ACTN2: variants seen among roughly 807,000 people sequenced by gnomAD.
ACTN2 encodes the protein alpha-actinin-2.
Under a neutral mutation model 113.8 loss-of-function variants are expected in ACTN2, and 39 were observed. That is an observed-to-expected ratio of 0.34 (90% CI 0.27 to 0.45). The LOEUF is 0.45. Ranked by LOEUF, ACTN2 falls within the 20% of genes least tolerant of loss-of-function variation. ACTN2 has a pLI of 1.00. For synonymous variants in ACTN2, 429 were observed against 444.1 expected (o/e 0.97, Z 0.43); for missense variants, 992 against 1,177.9 (o/e 0.84, Z 2.31).
Position 236,754,564 on chromosome 1 carries a change from T to C in ACTN2, c.1975-455T>C, listed in dbSNP as rs757749712. 6.6e-6 allele frequency among the ~76,000 whole-genome samples: 1 copy of C among 152,108 alleles called. No homozygotes were observed. The highest frequency in any genetic ancestry group is 1.5e-5 in the Non-Finnish European group (1 of 68,018). Reference sequence around the variant, plus strand: ...ATTTCTTGTCCCACCACCCTTTTGGTGTTGAAATATTGACTTTTTTCTTAA... The same window carrying C: ...ATTTCTTGTCCCACCACCCTTTTGGCGTTGAAATATTGACTTTTTTCTTAA... On this transcript the variant is annotated intron_variant, in intron 16 of 20. Transcript: ENST00000366578. The surrounding 1 kb of genome is among the most constrained non-coding windows in gnomAD (Gnocchi z 4.9).
intron 1 of ACTN2, 128 bp downstream of exon 1, chr1:236,686,927 G>A: frequency 9.5e-7 from 1 of 1,055,428 alleles, no homozygotes. Flanking sequence ...GCTGTCCTGT[G>A]CCCTCGCAGC....
chr1:236,686,933 G>C lies in ACTN2; in HGVS notation c.126+134G>C, dbSNP rs979175259. ...AGGTGCTGTGCTGTCCTGTGCCCTCGCAGCCCCGGGGGCCCCTTAGGAAAG... is the reference window on the plus strand; with the variant it reads ...AGGTGCTGTGCTGTCCTGTGCCCTCCCAGCCCCGGGGGCCCCTTAGGAAAG... On this transcript the variant is annotated intron_variant, in intron 1 of 20. Transcript: ENST00000366578. 4.8e-6 allele frequency: 5 copies of C among 1,046,922 alleles called. No individual in the cohort carries two copies. In the South Asian group the frequency reaches 1.5e-4, roughly 31 times the overall value. The allele number at this position is 1,046,922 out of a possible 1,614,324, so 64.9% of individuals were successfully genotyped here.
intron 5 of ACTN2, among the ~76,000 whole-genome samples, chr1:236,726,408 C>T (rs1658552210): frequency 6.6e-6 from 1 of 152,144 alleles, no homozygotes; most frequent in Non-Finnish European, 1.5e-5. Context: ...GACTCTTCAG[C>T]CCTCAGCCCT....
intron 12 of ACTN2, among the ~76,000 whole-genome samples, chr1:236,745,482 T>G (rs1659206009): frequency 1.3e-5 from 2 of 152,118 alleles, no homozygotes; most frequent in African/African-American, 4.8e-5. Context: ...GGGCACTGCC[T>G]CACGTGTGCA....
chr1:236,704,545 C>T (rs1402118083), intron 1 of ACTN2, among the ~76,000 whole-genome samples: 1 of 152,196 alleles, frequency 6.6e-6, no homozygotes, highest in East Asian at 1.9e-4. Flanking sequence ...AATTGGGGTT[C>T]TCATGCCTCT....
intron 1 of ACTN2, among the ~76,000 whole-genome samples, chr1:236,698,547 G>GGGATC (rs1657585464): frequency 1.3e-5 from 2 of 152,188 alleles, no homozygotes; most frequent in Non-Finnish European, 2.9e-5. Flanking sequence ...GTGTTTTATA[G>GGGATC]ACTGTAATAT....
chr1:236,761,738 C>G (rs1317476729), intron 20 of ACTN2, among the ~76,000 whole-genome samples: 1 of 152,080 alleles, frequency 6.6e-6, no homozygotes, highest in Non-Finnish European at 1.5e-5. Context: ...AAAAACATCT[C>G]TATGTATAAA....
chr1:236,710,900 C>G (rs1206644239), intron 1 of ACTN2, among the ~76,000 whole-genome samples: 1 of 152,122 alleles, frequency 6.6e-6, no homozygotes, highest in Non-Finnish European at 1.5e-5. Flanking sequence ...TCCCTACCCC[C>G]CACCCGTGGA....
Position 236,747,694 on chromosome 1 carries a change from T to A in ACTN2, c.1434T>A (p.Asn478Lys). ...LNELDYHDAV[N>K]VNDRCQKICD... ...AACTGGACTATCACGACGCTGTGAA[T>A]GTCAATGATCGGTGCCAGAAAATTT... Residue 478 changes from asparagine to lysine, a missense_variant, in exon 13 of 21, where the codon AAT becomes AAA. By Grantham distance (94) the Asn-to-Lys change is moderately conservative. This residue lies in a region of ACTN2 where 736 missense variants were observed against 815.4 expected (regional missense o/e 0.90). Transcript: ENST00000366578. The A allele has an allele frequency of 6.2e-7, 1 of 1,614,178 alleles. No individual in the cohort carries two copies. The highest frequency in any genetic ancestry group is 8.5e-7 in the Non-Finnish European group (1 of 1,179,986).
chr1:236,749,568 G>A (rs1234754485), intron 14 of ACTN2, among the ~76,000 whole-genome samples: 2 of 152,110 alleles, frequency 1.3e-5, no homozygotes, highest in Non-Finnish European at 2.9e-5. Context: ...AGGCTGAGGC[G>A]GGTGGATTGC....
chr1:236,749,968 C>T (rs1481051228), intron 14 of ACTN2, among the ~76,000 whole-genome samples: 1 of 152,306 alleles, frequency 6.6e-6, no homozygotes, highest in Non-Finnish European at 1.5e-5. Flanking sequence ...TTTAGATCTA[C>T]AGAGTTTTTT....
intron 1 of ACTN2, among the ~76,000 whole-genome samples, chr1:236,689,137 C>CGTTT (rs1029650758): frequency 1.2e-4 from 18 of 151,828 alleles, no homozygotes; most frequent in African/African-American, 4.4e-4. Flanking sequence ...TGCGAATAGG[C>CGTTT]GTTTCAACGT....
intron 1 of ACTN2, among the ~76,000 whole-genome samples, chr1:236,691,674 A>ACG (rs1666088524): frequency 6.6e-6 from 1 of 152,152 alleles, no homozygotes; most frequent in Non-Finnish European, 1.5e-5. Flanking sequence ...AGTGTAGTAT[A>ACG]ATAAGTGTTT....
intron 9 of ACTN2, among the ~76,000 whole-genome samples, chr1:236,738,566 C>A (rs1433785450): frequency 1.3e-5 from 2 of 152,180 alleles, no homozygotes; most frequent in Non-Finnish European, 2.9e-5. Flanking sequence ...CTTCATTTAT[C>A]CTCCTAAAAC....
At chr1:236,750,101 T>A (rs1223209904) in intron 14 of ACTN2, among the ~76,000 whole-genome samples, 1 of 152,172 alleles carries the variant, frequency 6.6e-6, no homozygotes, top group Non-Finnish European at 1.5e-5. Context: ...TTCTAAGTGG[T>A]GACGTTAGGG....
chr1:236,720,028 C>T, intron 3 of ACTN2, 77 bp from the exon 4 acceptor site: 1 of 997,270 alleles, frequency 1.0e-6, no homozygotes, highest in Middle Eastern at 2.2e-4. Context: ...GCTCTGAAGT[C>T]AACATTTATA....
At chr1:236,724,860 T>G (rs868678668) in intron 4 of ACTN2, among the ~76,000 whole-genome samples, 141 of 97,116 alleles carry the variant, frequency 1.5e-3, no homozygotes, top group African/African-American at 4.5e-3. Context: ...TTTTTTTTTT[T>G]GGTGAGAAGT....
intron 6 of ACTN2, 69 bp downstream of exon 6, chr1:236,727,825 A>T: frequency 6.7e-7 from 1 of 1,482,420 alleles, no homozygotes; most frequent in South Asian, 1.1e-5. Flanking sequence ...AAATGAGCAC[A>T]TCAGCACTAG....
chr1:236,728,470 C>G (rs1259393412), intron 6 of ACTN2, among the ~76,000 whole-genome samples: 2 of 152,270 alleles, frequency 1.3e-5, no homozygotes, highest in South Asian at 4.1e-4. Context: ...AGTCAAGTTC[C>G]CTTGACTTTT....
Sources: gnomAD v4.1 joint callset for allele counts (sites outside exome capture counted in the v4.1 genomes callset) on GRCh38, gnomAD v4.1.1 for gene constraint, gnomAD v4.1.1 regional missense constraint, Gnocchi (gnomAD v3.1) non-coding constraint, MANE v1.5 for transcripts, NCBI Gene and HGNC (gene_info 2026-07-23, HGNC 2026-07-21) for gene names.